SNX29: variants seen among roughly 807,000 people sequenced by gnomAD.
SNX29 encodes sorting nexin 29.
In SNX29, 78 loss-of-function variants were observed where a neutral mutation model predicts 102.1. That is an observed-to-expected ratio of 0.76 (90% CI 0.64 to 0.92). The LOEUF (loss-of-function observed/expected upper bound fraction) is 0.92, where lower values mean the gene tolerates loss of function less well. Among genes scored for constraint, SNX29 ranks in the 40% least tolerant of loss-of-function variants. The pLI is 0.00. For synonymous variants in SNX29, 580 were observed against 414.5 expected (o/e 1.40, Z -4.85); for missense variants, 1,280 against 1,061.7 (o/e 1.21, Z -2.86).
At chr16:12,409,492 A>C in intron 18 of SNX29, among the ~76,000 whole-genome samples, 1 of 131,864 alleles carries the variant, frequency 7.6e-6, no homozygotes. Flanking sequence ...GAAGTGGCGC[A>C]ATCTTGGTTC....
chr16:12,558,130 C>G (rs1026417795), intron 20 of SNX29, among the ~76,000 whole-genome samples: 1 of 152,222 alleles, frequency 6.6e-6, no homozygotes, highest in Non-Finnish European at 1.5e-5. Flanking sequence ...CAGCAGCATT[C>G]AGGGATAATC....
chr16:12,143,771 AC>A (rs2054951758), intron 13 of SNX29, among the ~76,000 whole-genome samples: 1 of 152,210 alleles, frequency 6.6e-6, no homozygotes, highest in Non-Finnish European at 1.5e-5. Flanking sequence ...CTCAGATGTA[AC>A]TAGCTTCCTA....
At chr16:11,992,877 C>T (rs923015202) in intron 1 of SNX29, among the ~76,000 whole-genome samples, 1 of 152,176 alleles carries the variant, frequency 6.6e-6, no homozygotes, top group Non-Finnish European at 1.5e-5. Context: ...TAAATATCTG[C>T]AGGGCTGGGC....
intron 14 of SNX29, among the ~76,000 whole-genome samples, chr16:12,250,391 G>A (rs751537545): frequency 6.6e-6 from 1 of 152,168 alleles, no homozygotes; most frequent in African/African-American, 2.4e-5. Flanking sequence ...GGTGGGAGCC[G>A]GGCAGAGGGC....
At chr16:12,298,343 T>C (rs1218914967) in intron 15 of SNX29, among the ~76,000 whole-genome samples, 1 of 152,188 alleles carries the variant, frequency 6.6e-6, no homozygotes. Flanking sequence ...AGACTCCTCA[T>C]CCCCTGGATG....
At chr16:12,428,612 C>T (rs1310657174) in intron 18 of SNX29, among the ~76,000 whole-genome samples, 2 of 151,292 alleles carry the variant, frequency 1.3e-5, no homozygotes, top group African/African-American at 2.4e-5. Context: ...TATTTGATTG[C>T]AATTTATATC....
At chr16:11,995,739 C>T (rs1478939061) in intron 1 of SNX29, among the ~76,000 whole-genome samples, 1 of 151,596 alleles carries the variant, frequency 6.6e-6, no homozygotes, top group Non-Finnish European at 1.5e-5. Context: ...AAGGAGCCGG[C>T]AGTGTCAGCT....
chr16:12,498,792 A>C (rs2088958680), intron 19 of SNX29, among the ~76,000 whole-genome samples: 1 of 152,236 alleles, frequency 6.6e-6, no homozygotes, highest in Non-Finnish European at 1.5e-5. Context: ...TTCAATTTGC[A>C]AATTAAAACA....
At chr16:12,181,555 G>T (rs1369162503) in intron 13 of SNX29, among the ~76,000 whole-genome samples, 1 of 152,202 alleles carries the variant, frequency 6.6e-6, no homozygotes, top group African/African-American at 2.4e-5. Flanking sequence ...GCAGTTCCCA[G>T]CTTGACTTTT....
chr16:12,270,765 G>C (rs776758264), intron 14 of SNX29, among the ~76,000 whole-genome samples: 2 of 152,058 alleles, frequency 1.3e-5, no homozygotes, highest in Non-Finnish European at 2.9e-5. Context: ...CTCTCGGCTG[G>C]GCACAGTGGC....
Position 12,043,085 on chromosome 16 carries a change from G to A in SNX29, c.428+8G>A. The A allele has an allele frequency of 6.2e-7, 1 of 1,612,450 alleles. No individual in the cohort carries two copies. Among genetic ancestry groups the A allele is most frequent in the African/African-American group, 1.3e-5 (1 of 75,026 alleles). ...CGACCGCTGCAGGCTGAGGTACGTG[G>A]CCGGGATGCGAACTGGGATGGGATG... is the stretch of plus-strand genomic sequence containing the variant. On this transcript the variant is annotated splice_region_variant and intron_variant, in intron 5 of 20. Coordinates refer to ENST00000566228, the MANE Select transcript of SNX29 (RefSeq NM_032167.5).
At chr16:12,257,714 A>C (rs1289364616) in intron 14 of SNX29, among the ~76,000 whole-genome samples, 2 of 145,432 alleles carry the variant, frequency 1.4e-5, no homozygotes, top group Non-Finnish European at 3.0e-5. Context: ...TTTTTGTAGC[A>C]TCAGGGTTTC....
chr16:12,371,506 C>T (rs2082681721), intron 16 of SNX29, among the ~76,000 whole-genome samples: 1 of 152,180 alleles, frequency 6.6e-6, no homozygotes, highest in Non-Finnish European at 1.5e-5. Flanking sequence ...CAGGGTCTTT[C>T]TATGTTGCCC....
intron 13 of SNX29, among the ~76,000 whole-genome samples, chr16:12,167,836 TA>T (rs2076052794): frequency 6.6e-6 from 1 of 152,194 alleles, no homozygotes; most frequent in Non-Finnish European, 1.5e-5. Flanking sequence ...ATTTCGTGAA[TA>T]AGGTGTTATT....
At chr16:12,524,880 C>T (rs775194975) in intron 20 of SNX29, 39 bp downstream of exon 20, 4 of 1,597,146 alleles carry the variant, frequency 2.5e-6, no homozygotes, top group Non-Finnish European at 3.4e-6. Flanking sequence ...GCCAGCCCTG[C>T]CAGCATTTTT....
intron 3 of SNX29, among the ~76,000 whole-genome samples, chr16:12,011,528 G>A (rs2056655252): frequency 6.6e-6 from 1 of 152,062 alleles, no homozygotes; most frequent in African/African-American, 2.4e-5. Flanking sequence ...ACCCTTCTTG[G>A]CCTCCCAAAG....
chr16:12,314,331 G>A (rs963769650), intron 15 of SNX29, among the ~76,000 whole-genome samples: 4 of 152,220 alleles, frequency 2.6e-5, no homozygotes, highest in African/African-American at 2.4e-5. Flanking sequence ...TGGATGAATG[G>A]TCTGCAGATG....
At chr16:12,286,281 T>C (rs1312934042) in intron 15 of SNX29, among the ~76,000 whole-genome samples, 1 of 152,090 alleles carries the variant, frequency 6.6e-6, no homozygotes, top group Non-Finnish European at 1.5e-5. Flanking sequence ...AGTTATAGTT[T>C]CTAGCAGGAT....
intron 20 of SNX29, among the ~76,000 whole-genome samples, chr16:12,549,497 A>C (rs544544337): frequency 1.3e-5 from 2 of 148,548 alleles, no homozygotes; most frequent in African/African-American, 5.0e-5. Context: ...TCACACATAC[A>C]AAGATGTTCA....
Sources: gnomAD v4.1 joint callset for allele counts (sites outside exome capture counted in the v4.1 genomes callset) on GRCh38, gnomAD v4.1.1 for gene constraint, MANE v1.5 for transcripts, NCBI Gene and HGNC (gene_info 2026-07-23, HGNC 2026-07-21) for gene names.